The following PSMD1 variants were observed in gnomAD, a reference collection of about 807,000 sequenced individuals.
The protein encoded by PSMD1 is proteasome 26S subunit, non-ATPase 1, also known as 26S proteasome non-ATPase regulatory subunit 1.
Under a neutral mutation model 119.0 loss-of-function variants are expected in PSMD1, and 18 were observed. That is an observed-to-expected ratio of 0.15 (90% confidence interval 0.10 to 0.22). PSMD1 has a LOEUF of 0.22. Ranked by LOEUF, PSMD1 falls within the 10% of genes least tolerant of loss-of-function variation. The pLI, the probability that PSMD1 is intolerant of heterozygous loss-of-function variation, is 1.00. For synonymous variants in PSMD1, 374 were observed against 396.6 expected (o/e 0.94, Z 0.68); for missense variants, 702 against 1,158.5 (o/e 0.61, Z 5.72).
chr2:231,083,287 A>T (rs537097075), intron 13 of PSMD1, among the ~76,000 whole-genome samples: 28 of 152,342 alleles, frequency 1.8e-4, no homozygotes, highest in African/African-American at 6.7e-4. Context: ...ATATAGAAAA[A>T]ATGTTATCTA....
intron 24 of PSMD1, among the ~76,000 whole-genome samples, chr2:231,171,548 A>AT (rs1696908865): frequency 2.8e-5 from 4 of 144,102 alleles, no homozygotes; most frequent in African/African-American, 1.0e-4. Context: ...GTTTTCAGAC[A>AT]ATTTTTTTTT....
At chr2:231,071,127 G>A (rs547281984) in intron 6 of PSMD1, among the ~76,000 whole-genome samples, 16 of 151,792 alleles carry the variant, frequency 1.1e-4, no homozygotes, top group East Asian at 7.7e-4. Flanking sequence ...ATAGGTTTTC[G>A]GAGTTTTGTT....
At chr2:231,168,106 A>G (rs1319268958) in intron 23 of PSMD1, among the ~76,000 whole-genome samples, 3 of 152,216 alleles carry the variant, frequency 2.0e-5, no homozygotes, top group Non-Finnish European at 4.4e-5. Flanking sequence ...TTAAAAAGAA[A>G]CACAAAACCA....
intron 16 of PSMD1, among the ~76,000 whole-genome samples, chr2:231,127,262 C>T (rs1320322941): frequency 2.1e-5 from 3 of 143,204 alleles, no homozygotes; most frequent in Non-Finnish European, 3.1e-5. Flanking sequence ...ACTGAAACAG[C>T]AACAACAACA....
intron 16 of PSMD1, among the ~76,000 whole-genome samples, chr2:231,125,667 T>C (rs554171074): frequency 6.6e-6 from 1 of 152,208 alleles, no homozygotes; most frequent in Non-Finnish European, 1.5e-5. Context: ...AGACTTTACG[T>C]TGGAGAAAAT....
At chr2:231,096,067 C>T (rs1283308892) in intron 16 of PSMD1, among the ~76,000 whole-genome samples, 1 of 152,112 alleles carries the variant, frequency 6.6e-6, no homozygotes, top group Non-Finnish European at 1.5e-5. Flanking sequence ...TGCAGAGTGA[C>T]CTCAAACCTC....
chr2:231,129,165 GAATC>G (rs1695797060), intron 16 of PSMD1, among the ~76,000 whole-genome samples: 1 of 152,034 alleles, frequency 6.6e-6, no homozygotes, highest in African/African-American at 2.4e-5. Flanking sequence ...AACTTTTTGA[GAATC>G]AAAGTACATT....
intron 7 of PSMD1, among the ~76,000 whole-genome samples, chr2:231,072,994 A>G (rs922771520): frequency 6.6e-6 from 1 of 152,128 alleles, no homozygotes; most frequent in South Asian, 2.1e-4. Context: ...TGTCTGAGAA[A>G]TGTGGGACTC....
intron 19 of PSMD1, 99 bp from the exon 20 acceptor site, chr2:231,161,238 TAAA>T (rs35533383): frequency 8.0e-5 from 77 of 958,734 alleles, no homozygotes; most frequent in Middle Eastern, 2.6e-4. Flanking sequence ...CCTATCTCTT[TAAA>T]AAAAAAAAAA....
At chr2:231,167,689 C>T (rs1007856476) in intron 23 of PSMD1, among the ~76,000 whole-genome samples, 36 of 152,228 alleles carry the variant, frequency 2.4e-4, no homozygotes, top group Non-Finnish European at 4.7e-4. Flanking sequence ...AGTGGACACA[C>T]AAATCAGGGA....
chr2:231,164,484 C>CATG (rs138041139), intron 21 of PSMD1, among the ~76,000 whole-genome samples: 3,370 of 152,084 alleles, frequency 0.022, 137 homozygotes, highest in African/African-American at 0.077. Flanking sequence ...CTCTTTCTCT[C>CATG]ATAATTTTCA....
intron 23 of PSMD1, among the ~76,000 whole-genome samples, chr2:231,167,445 A>T (rs1696814032): frequency 6.6e-6 from 1 of 152,232 alleles, no homozygotes; most frequent in Non-Finnish European, 1.5e-5. Context: ...AAACTAAATG[A>T]TTGCTAAGCC....
intron 7 of PSMD1, among the ~76,000 whole-genome samples, chr2:231,073,529 A>G (rs1195227933): frequency 6.6e-6 from 1 of 152,036 alleles, no homozygotes; most frequent in East Asian, 1.9e-4. Flanking sequence ...TTTGCATTAT[A>G]TAAGTCTGTG....
chr2:231,068,711 C>T (rs1693966650), intron 5 of PSMD1, among the ~76,000 whole-genome samples: 1 of 152,164 alleles, frequency 6.6e-6, no homozygotes. Flanking sequence ...GGCCACCTTG[C>T]TTATCAGATT....
intron 16 of PSMD1, among the ~76,000 whole-genome samples, chr2:231,105,719 G>A (rs1694958895): frequency 1.3e-5 from 2 of 152,122 alleles, no homozygotes; most frequent in South Asian, 4.1e-4. Flanking sequence ...CACACAAAGT[G>A]ATTCCTTGAA....
intron 16 of PSMD1, chr2:231,109,514 T>C: frequency 1.0e-6 from 1 of 983,624 alleles, no homozygotes; most frequent in Non-Finnish European, 1.6e-6. Flanking sequence ...TGTTGGTGCA[T>C]TATAATTCCT....
intron 4 of PSMD1, among the ~76,000 whole-genome samples, chr2:231,064,708 C>T (rs1292143089): frequency 2.0e-5 from 3 of 152,126 alleles, no homozygotes; most frequent in Middle Eastern, 3.2e-3. Flanking sequence ...CTCTGTTGCC[C>T]GGGCTGGAGT....
At position 231,138,755 on chromosome 2, in the gene PSMD1, A is replaced by G; in HGVS notation, c.1903A>G (p.Ser635Gly). The G allele has an allele frequency of 6.2e-7, 1 of 1,614,064 alleles. No homozygotes were observed. Among genetic ancestry groups the G allele is most frequent in the Non-Finnish European group, 8.5e-7 (1 of 1,179,934 alleles). ...TATCAGAACCCCTGAACAGTGCCCA[A>G]GTGTTGTCTCTTTGTTGTCAGAGAG... ...ILFRTPEQCP[S>G]VVSLLSESYN... Residue 635 changes from serine (S) to glycine (G), a missense_variant, in exon 17 of 25, where the codon AGT becomes GGT. Transcript: ENST00000308696.
chr2:231,162,389 A>G (rs1043201456), intron 20 of PSMD1, among the ~76,000 whole-genome samples: 3 of 152,264 alleles, frequency 2.0e-5, no homozygotes, highest in African/African-American at 7.2e-5. Flanking sequence ...GTATAGCTGT[A>G]CAGCCAGTTA....
Sources: gnomAD v4.1 joint callset for allele counts (sites outside exome capture counted in the v4.1 genomes callset) on GRCh38, gnomAD v4.1.1 for gene constraint, MANE v1.5 for transcripts, NCBI Gene and HGNC (gene_info 2026-07-23, HGNC 2026-07-21) for gene names.